Variants in CSMD1 observed in about 807,000 individuals in gnomAD.
CSMD1 encodes CUB and sushi domain-containing protein 1.
Under a neutral mutation model 417.5 loss-of-function variants are expected in CSMD1, and 213 were observed. That is an observed-to-expected ratio of 0.51 (90% CI 0.46 to 0.57). The LOEUF is 0.57. Ranked by LOEUF, CSMD1 falls within the 20% of genes least tolerant of loss-of-function variation. The probability of loss-of-function intolerance (pLI) is 0.00; values close to 1 mark genes in which losing one functional copy is unlikely to be tolerated. For synonymous variants in CSMD1, 2,862 were observed against 1,736.8 expected (o/e 1.65, Z -16.11); for missense variants, 6,923 against 4,529.7 (o/e 1.53, Z -15.17).
At chr8:3,879,714 C>A (rs765294841) in intron 5 of CSMD1, among the ~76,000 whole-genome samples, 1 of 147,732 alleles carries the variant, frequency 6.8e-6, no homozygotes, top group South Asian at 2.1e-4. Flanking sequence ...AGGCTAACTC[C>A]TAACCTACAT....
chr8:4,025,382 C>A (rs911936731), intron 4 of CSMD1, among the ~76,000 whole-genome samples: 11 of 152,276 alleles, frequency 7.2e-5, no homozygotes, highest in Admixed American at 5.2e-4. Flanking sequence ...GACCCTAGAT[C>A]TCAAAGTAAT....
chr8:3,447,871 C>A (rs890404463), intron 12 of CSMD1, among the ~76,000 whole-genome samples: 4 of 152,184 alleles, frequency 2.6e-5, no homozygotes, highest in African/African-American at 4.8e-5. Context: ...CTCTTCGTTC[C>A]TCAAGGCCAT....
At chr8:4,548,352 T>C (rs1413219645) in intron 2 of CSMD1, among the ~76,000 whole-genome samples, 1 of 152,178 alleles carries the variant, frequency 6.6e-6, no homozygotes, top group Non-Finnish European at 1.5e-5. Context: ...GCAAATACTC[T>C]ATCGTATTTT....
intron 25 of CSMD1, among the ~76,000 whole-genome samples, chr8:3,286,808 G>A (rs977870030): frequency 6.6e-6 from 1 of 152,108 alleles, no homozygotes; most frequent in African/African-American, 2.4e-5. Flanking sequence ...CTTGTGCTGT[G>A]CAGAAGCTCT....
intron 6 of CSMD1, among the ~76,000 whole-genome samples, chr8:3,711,737 G>A (rs978355903): frequency 3.9e-5 from 6 of 152,122 alleles, no homozygotes; most frequent in Non-Finnish European, 7.3e-5. Context: ...ATCCAAAATG[G>A]CAAACGTATC....
intron 2 of CSMD1, among the ~76,000 whole-genome samples, chr8:4,631,390 C>G (rs1461953379): frequency 1.4e-5 from 2 of 147,482 alleles, no homozygotes; most frequent in Non-Finnish European, 3.0e-5. Flanking sequence ...AAAATGATAC[C>G]TTGGTTTGTT....
intron 5 of CSMD1, among the ~76,000 whole-genome samples, chr8:3,757,119 T>C (rs145542997): frequency 6.6e-6 from 1 of 152,164 alleles, no homozygotes; most frequent in East Asian, 1.9e-4. Context: ...GCACTTTATT[T>C]GCATGCCTAC....
intron 1 of CSMD1, among the ~76,000 whole-genome samples, chr8:4,691,543 G>C (rs972598324): frequency 5.3e-5 from 8 of 152,154 alleles, no homozygotes; most frequent in Non-Finnish European, 8.8e-5. Flanking sequence ...GGGTTCTATA[G>C]AGCAAATACC....
chr8:3,109,620 GC>G (rs1354483558), intron 43 of CSMD1, among the ~76,000 whole-genome samples: 2 of 151,932 alleles, frequency 1.3e-5, no homozygotes, highest in East Asian at 3.9e-4. Flanking sequence ...CATCCTCACT[GC>G]CCCAAGAACA....
chr8:4,404,218 C>G (rs893835433), intron 3 of CSMD1, among the ~76,000 whole-genome samples: 1 of 152,076 alleles, frequency 6.6e-6, no homozygotes, highest in Non-Finnish European at 1.5e-5. Flanking sequence ...TGCCACTTCC[C>G]TACTATTTTA....
chr8:4,251,847 G>A (rs891348330), intron 3 of CSMD1, among the ~76,000 whole-genome samples: 1 of 147,110 alleles, frequency 6.8e-6, no homozygotes. Context: ...AGAGATGCAG[G>A]AGGAGAGATG....
At chr8:4,789,864 T>C (rs1054637051) in intron 1 of CSMD1, among the ~76,000 whole-genome samples, 1 of 152,228 alleles carries the variant, frequency 6.6e-6, no homozygotes, top group African/African-American at 2.4e-5. Context: ...CTTTTAGTAC[T>C]CTTTTATTTT....
intron 3 of CSMD1, among the ~76,000 whole-genome samples, chr8:4,217,767 G>C (rs1231979642): frequency 6.6e-6 from 1 of 152,132 alleles, no homozygotes; most frequent in Non-Finnish European, 1.5e-5. Context: ...GGAACATTTA[G>C]GGCAGGATTG....
chr8:4,018,920 A>G (rs921541226), intron 4 of CSMD1, among the ~76,000 whole-genome samples: 4 of 152,226 alleles, frequency 2.6e-5, no homozygotes, highest in African/African-American at 7.2e-5. Flanking sequence ...ATGAAAGTTA[A>G]TAACAAGAAC....
chr8:4,200,318 A>G (rs1345736294), intron 3 of CSMD1, among the ~76,000 whole-genome samples: 3 of 152,284 alleles, frequency 2.0e-5, no homozygotes, highest in African/African-American at 7.2e-5. Context: ...AGTGTCACTT[A>G]GATATGGTAT....
chr8:4,281,357 C>G (rs559941397), intron 3 of CSMD1, among the ~76,000 whole-genome samples: 1 of 152,166 alleles, frequency 6.6e-6, no homozygotes, highest in African/African-American at 2.4e-5. Flanking sequence ...AAGATGACGG[C>G]ATAAGGTCTT....
intron 5 of CSMD1, among the ~76,000 whole-genome samples, chr8:3,868,233 G>T (rs1442064456): frequency 1.3e-5 from 2 of 152,072 alleles, no homozygotes; most frequent in Admixed American, 6.6e-5. Flanking sequence ...ACGAGGATGG[G>T]GGGGCATCTC....
chr8:4,404,855 A>G (rs1035241876), intron 3 of CSMD1, among the ~76,000 whole-genome samples: 1 of 152,154 alleles, frequency 6.6e-6, no homozygotes, highest in South Asian at 2.1e-4. Flanking sequence ...CTTACACTCT[A>G]CCAGCCACAC....
intron 13 of CSMD1, among the ~76,000 whole-genome samples, chr8:3,408,658 C>T (rs957708747): frequency 1.2e-4 from 18 of 151,806 alleles, no homozygotes; most frequent in African/African-American, 2.4e-5. Context: ...GCATTTTCTC[C>T]AGTAATTTAA....
Sources: gnomAD v4.1 joint callset for allele counts (sites outside exome capture counted in the v4.1 genomes callset) on GRCh38, gnomAD v4.1.1 for gene constraint, MANE v1.5 for transcripts, NCBI Gene and HGNC (gene_info 2026-07-23, HGNC 2026-07-21) for gene names.